Variants in CHADL observed in about 807,000 individuals in gnomAD.
CHADL encodes the protein chondroadherin-like protein.
CHADL carries 48 observed loss-of-function variants against 52.1 expected under a neutral mutation model. The observed-to-expected ratio is 0.92, with a 90% CI of 0.73 to 1.17. The LOEUF (loss-of-function observed/expected upper bound fraction) is 1.17. Ranked by LOEUF, CHADL falls within the 50% of genes most tolerant of loss-of-function variation. The probability of loss-of-function intolerance (pLI) is 0.00; values close to 1 mark genes in which losing one functional copy is unlikely to be tolerated. For synonymous variants in CHADL, 498 were observed against 511.2 expected (o/e 0.97, Z 0.35); for missense variants, 977 against 1,035.1 (o/e 0.94, Z 0.77).
In CHADL at chr22:41,237,230, C is replaced by T. The variant is rs745704055; in HGVS notation, c.1842G>A (p.Gln614=). The T allele has an allele frequency of 9.0e-6, 14 of 1,550,258 alleles. No individual in the cohort carries two copies. The highest frequency in any genetic ancestry group is 1.0e-5 in the Non-Finnish European group (12 of 1,146,890). Residue 614 remains glutamine (Q), a synonymous_variant, in exon 3 of 6, where the codon CAG becomes CAA. Transcript: ENST00000216241. ...GGTGCTGCAGCGACCTGCCCACAGG[C>T]TGGAAGGCTCCGTCACGCAAGGCCC... The part of the protein sequence containing the change: ...PLRALRDGAF[Q]PVGRSLQHLF...
Position 41,237,375 on chromosome 22 carries a change from C to T in CHADL, c.1697G>A (p.Gly566Asp), listed in dbSNP as rs908375829. The T allele has an allele frequency of 1.3e-6, 2 of 1,550,654 alleles. No homozygotes were observed. The highest frequency in any genetic ancestry group is 1.7e-6 in the Non-Finnish European group (2 of 1,146,956). ...RITEVSLGAL[G>D]PARELEKLHL... ...CAGCTTCTCCAGCTCCCGAGCTGGG[C>T]CCAGCGCCCCAAGGGACACTTCGGT... The change falls in exon 3 of 6, where the codon GGC becomes GAC. Residue 566 changes from glycine (G) to aspartate (D), a missense_variant. Transcript: ENST00000216241.
chr22:41,232,203 TCACC>T (rs2032624804), intron 5 of CHADL, among the ~76,000 whole-genome samples: 4 of 151,554 alleles, frequency 2.6e-5, no homozygotes, highest in Non-Finnish European at 5.9e-5. Flanking sequence ...GTGGTGGCAG[TCACC>T]TGTAATCCCA....
chr22:41,237,719 C>T lies in CHADL; in HGVS notation c.1353G>A (p.Leu451=). Residue 451 remains leucine, a synonymous_variant, in exon 3 of 6, where the codon CTG becomes CTA. Coordinates refer to ENST00000216241, the MANE Select transcript of CHADL (RefSeq NM_138481.2). ...CGCAGTGCTGCAGGTGCAGCGACAC[C>T]AGGTGGCCCAGGCCGGGGAAGGCCG... The part of the protein sequence containing the change: ...PRAAFPGLGH[L]VSLHLQHCGI... 6.5e-7 allele frequency: 1 copy of T among 1,541,204 alleles called. No homozygotes were observed. Among genetic ancestry groups the T allele is most frequent in the East Asian group, 2.5e-5 (1 of 40,772 alleles).
At chr22:41,237,039 C>T in intron 3 of CHADL, 137 bp downstream of exon 3, 1 of 918,468 alleles carries the variant, frequency 1.1e-6, no homozygotes, top group East Asian at 2.6e-5. Context: ...AGGGGCAGTC[C>T]TGGTTTATCT....
intron 4 of CHADL, among the ~76,000 whole-genome samples, chr22:41,235,642 G>T (rs1468282894): frequency 1.3e-5 from 2 of 152,146 alleles, no homozygotes; most frequent in Non-Finnish European, 2.9e-5. Flanking sequence ...TTTGTAAAAA[G>T]GGGATAATAA....
chr22:41,236,087 C>T (rs1269811991), intron 4 of CHADL, among the ~76,000 whole-genome samples: 1 of 152,174 alleles, frequency 6.6e-6, no homozygotes, highest in Non-Finnish European at 1.5e-5. Context: ...GGCCAGGCTA[C>T]TCTCAAACTC....
chr22:41,237,262 G>C lies in CHADL; in HGVS notation c.1810C>G (p.Pro604Ala), dbSNP rs2032761089. 6.4e-7 allele frequency: 1 copy of C among 1,550,594 alleles called. No individual in the cohort carries two copies. The highest frequency in any genetic ancestry group is 8.7e-7 in the Non-Finnish European group (1 of 1,146,964). The change falls in exon 3 of 6, where the codon CCA becomes GCA. Residue 604 changes from proline to alanine, a missense_variant. Pro to Ala is a conservative substitution (Grantham distance 27). Coordinates refer to ENST00000216241, the MANE Select transcript of CHADL (RefSeq NM_138481.2). The stretch of plus-strand genomic sequence containing the variant: ...GCTCCGTCACGCAAGGCCCTGAGTG[G>C]GTTGCCCGAGAGCTGCAGCTCCAGG... ...ALLELQLSGN[P>A]LRALRDGAFQ...
chr22:41,235,330 G>A lies in CHADL; in HGVS notation c.2077C>T (p.Leu693=). The change falls in exon 5 of 6, where the codon CTG becomes TTG. Residue 693 remains leucine, a synonymous_variant. Transcript: ENST00000216241. The part of the protein sequence containing the change: ...LLPLHRWLTG[L]NLRVGATCAT... ...CAGGTGGCCCCCACCCGCAGGTTCA[G>A]CCCAGTAAGCCACCTGAAGAGAAAA... is the stretch of plus-strand genomic sequence containing the variant. 6.4e-7 allele frequency: 1 copy of A among 1,550,726 alleles called. No homozygotes were observed.
At chr22:41,240,469 C>T (rs563539885) in intron 1 of CHADL, among the ~76,000 whole-genome samples, 2 of 152,250 alleles carry the variant, frequency 1.3e-5, no homozygotes, top group Admixed American at 1.3e-4. Flanking sequence ...GAGCCTCCCC[C>T]TCGCTGCTCA....
chr22:41,229,680 A>G lies in CHADL; in HGVS notation c.*24T>C, dbSNP rs985439336. 2 of 1,612,978 alleles carry G rather than the reference A, an allele frequency of 1.2e-6. No homozygotes were observed. ...GAGTAAGAGCCACCGGGCTGGGTCA[A>G]GGCAGGACCAGCCTGCTCCGTGCTC... On this transcript the variant is annotated 3_prime_UTR_variant, in exon 6 of 6. Transcript: ENST00000216241.
chr22:41,240,471 C>T (rs555209944), intron 1 of CHADL, among the ~76,000 whole-genome samples: 160 of 152,350 alleles, frequency 1.1e-3, no homozygotes, highest in African/African-American at 3.8e-3. Context: ...GCCTCCCCCT[C>T]GCTGCTCACT....
chr22:41,236,656 A>T lies in CHADL; in HGVS notation c.1897-6T>A. 6.5e-7 allele frequency: 1 copy of T among 1,545,538 alleles called. No individual in the cohort carries two copies. Among genetic ancestry groups the T allele is most frequent in the Non-Finnish European group, 8.7e-7 (1 of 1,146,018 alleles). ...GAAAAGGCCCCAGGACAAATCTGCA[A>T]GGAGTTGCCAGGCCCCAATGTGAGC... is the stretch of plus-strand genomic sequence containing the variant. On this transcript the variant is annotated splice_polypyrimidine_tract_variant and splice_region_variant and intron_variant, in intron 3 of 5. Transcript: ENST00000216241.
chr22:41,236,352 C>A lies in CHADL; in HGVS notation c.2063+132G>T, dbSNP rs1425615234. The A allele has an allele frequency of 5.4e-6, 4 of 747,282 alleles. No individual in the cohort carries two copies. The African/African-American group carries it at 7.1e-5, about 13-fold the overall frequency. The allele number at this position is 747,282 out of a possible 1,614,324, so 46.3% of individuals were successfully genotyped here. On this transcript the variant is annotated intron_variant, in intron 4 of 5. Transcript: ENST00000216241. ...CTGGAAAGGGCTTATACATGCCTGG[C>A]TCTCACAGGACCCGCCCCTCCCCAC...
chr22:41,234,258 G>A (rs909922201), intron 5 of CHADL, among the ~76,000 whole-genome samples: 2 of 152,166 alleles, frequency 1.3e-5, no homozygotes, highest in Non-Finnish European at 2.9e-5. Context: ...TGGCTTATAG[G>A]AAAGGCCACT....
At chr22:41,235,935 G>A (rs974298771) in intron 4 of CHADL, among the ~76,000 whole-genome samples, 4 of 151,932 alleles carry the variant, frequency 2.6e-5, no homozygotes, top group Admixed American at 6.6e-5. Flanking sequence ...GAAGTGGCGC[G>A]ATCTCAGCTC....
At chr22:41,229,998 C>T in intron 5 of CHADL, 2 of 707,904 alleles carry the variant, frequency 2.8e-6, no homozygotes, top group Non-Finnish European at 4.8e-6. Context: ...TGCCACTGCC[C>T]TCCCAGAAGG....
Position 41,238,479 on chromosome 22 carries a change from G to A in CHADL, c.593C>T (p.Ala198Val). ...GGGCAGGCCAGCCAGGGCCTCGGGGGCCAGCACGCTGAGCGCGTTGTGCGA... is the reference window on the plus strand; with the variant it reads ...GGGCAGGCCAGCCAGGGCCTCGGGGACCAGCACGCTGAGCGCGTTGTGCGA... ...RLSHNALSVL[A>V]PEALAGLPAL... Residue 198 changes from alanine to valine, a missense_variant, in exon 3 of 6, where the codon GCC becomes GTC. Transcript: ENST00000216241. The surrounding 1 kb of genome is among the most constrained non-coding windows in gnomAD (Gnocchi z 4.9). 4 of 1,534,890 alleles carry A rather than the reference G, an allele frequency of 2.6e-6. No individual in the cohort carries two copies. Among genetic ancestry groups the A allele is most frequent in the Non-Finnish European group, 3.5e-6 (4 of 1,142,592 alleles).
Position 41,238,372 on chromosome 22 carries a change from G to C in CHADL, c.700C>G (p.Arg234Gly), listed in dbSNP as rs774748198. The C allele has an allele frequency of 1.7e-5, 25 of 1,496,018 alleles. No individual in the cohort carries two copies. The highest frequency in any genetic ancestry group is 2.2e-5 in the Non-Finnish European group (25 of 1,128,610). The allele number at this position is 1,496,018 out of a possible 1,614,324, so 92.7% of individuals were successfully genotyped here. ...AGCGGGTTGTGGCCCAGCTCCAGAC[G>C]GGCCAGGCCGCGGGCCTGGGACAAG... ...PVLSQARGLA[R>G]LELGHNPLTY... is the part of the protein sequence containing the mutation. The change falls in exon 3 of 6, where the codon CGT (arginine) becomes GGT (glycine). Residue 234 changes from arginine to glycine, a missense_variant. Transcript: ENST00000216241. This position sits in a 1 kb window ranked among gnomAD's most constrained non-coding sequence, Gnocchi z 4.9.
intron 1 of CHADL, 54 bp from the exon 2 acceptor site, chr22:41,239,674 C>G: frequency 7.1e-7 from 1 of 1,417,012 alleles, no homozygotes; most frequent in Non-Finnish European, 9.4e-7. Flanking sequence ...CACATGCTGT[C>G]CCTCACTTAG....
Sources: gnomAD v4.1 joint callset for allele counts (sites outside exome capture counted in the v4.1 genomes callset) on GRCh38, gnomAD v4.1.1 for gene constraint, Gnocchi (gnomAD v3.1) non-coding constraint, MANE v1.5 for transcripts, NCBI Gene and HGNC (gene_info 2026-07-23, HGNC 2026-07-21) for gene names.